Variants in NOS2 observed in about 807,000 individuals in gnomAD.
NOS2 encodes the protein nitric oxide synthase 2.
In NOS2, 96 loss-of-function variants were observed where a neutral mutation model predicts 136.0. The ratio of observed to expected loss-of-function variants is 0.71; its 90% CI spans 0.60 to 0.84. The LOEUF is 0.84. Ranked by LOEUF, NOS2 falls within the 40% of genes least tolerant of loss-of-function variation. The pLI, the probability that NOS2 is intolerant of heterozygous loss-of-function variation, is 0.00. For synonymous variants in NOS2, 539 were observed against 587.5 expected, an observed-to-expected ratio of 0.92 and a Z score of 1.20; for missense variants, 1,237 against 1,496.9, an observed-to-expected ratio of 0.83 and a Z score of 2.87.
rs966221157 is a variant in NOS2, at chr17:27,778,562, G to C, written c.1281+128C>G. The C allele has an allele frequency of 9.3e-5, 67 of 718,610 alleles. No individual in the cohort carries two copies. In the Middle Eastern group the frequency reaches 1.1e-3, roughly 12 times the overall value. 44.5% of individuals were successfully genotyped at this position (718,610 alleles called of 1,614,324 possible). On this transcript the variant is annotated intron_variant, in intron 11 of 26. Coordinates refer to ENST00000313735, the MANE Select transcript of NOS2 (RefSeq NM_000625.4). ...GGATTGAACAGTCTTGGGAGGTGAG[G>C]AGCTGCCTGTTGCTGGACCTCTAGA...
chr17:27,779,690 A>G (rs549438404), intron 9 of NOS2, among the ~76,000 whole-genome samples: 39 of 151,412 alleles, frequency 2.6e-4, no homozygotes, highest in African/African-American at 9.5e-4. Context: ...CTAAATGCTG[A>G]GAATGCAACA....
At chr17:27,760,008 C>G in intron 25 of NOS2, 22 bp downstream of exon 25, 2 of 1,498,164 alleles carry the variant, frequency 1.3e-6, no homozygotes, top group Non-Finnish European at 1.8e-6. Context: ...TAATGCTTCA[C>G]CTGCTTTGAG....
chr17:27,783,730 G>A (rs969290124), intron 5 of NOS2, among the ~76,000 whole-genome samples: 4 of 152,238 alleles, frequency 2.6e-5, no homozygotes, highest in Non-Finnish European at 4.4e-5. Context: ...AGGAGGTTAA[G>A]CACCAGGCCC....
Position 27,782,034 on chromosome 17 carries a change from T to G in NOS2, c.703A>C (p.Thr235Pro). ...EHICRHVRYS[T>P]NNGNIRSAIT... is the part of the protein sequence containing the mutation. ...ACCGACCTGATGTTGCCATTGTTGG[T>G]GGAGTAACGCACGTGTCTGCAGATG... The change falls in exon 7 of 27, where the codon ACC becomes CCC. Residue 235 changes from threonine (T) to proline (P), a missense_variant. Thr to Pro is a conservative substitution (Grantham distance 38, BLOSUM62 -1). Coordinates refer to ENST00000313735, the MANE Select transcript of NOS2 (RefSeq NM_000625.4). The G allele has an allele frequency of 6.2e-7, 1 of 1,614,088 alleles. No homozygotes were observed. Among genetic ancestry groups the G allele is most frequent in the South Asian group, 1.1e-5 (1 of 91,068 alleles).
rs772923859 is a variant in NOS2 at position 27,771,172 on chromosome 17, G to A, written c.1705-155C>T. 7.2e-5 allele frequency among the ~76,000 whole-genome samples: 11 copies of A among 152,184 alleles called. No individual in the cohort carries two copies. In the South Asian group the frequency reaches 1.2e-3, roughly 17 times the overall value. On this transcript the variant is annotated intron_variant, in intron 14 of 26. Transcript: ENST00000313735. Reference sequence around the variant, plus strand: ...GGCCCGGCACAGGCGTGGCACAGAGGACGTGAATGAACCAATTTGAACACA... The same window carrying A: ...GGCCCGGCACAGGCGTGGCACAGAGAACGTGAATGAACCAATTTGAACACA...
intron 16 of NOS2, among the ~76,000 whole-genome samples, 159 bp from the exon 17 acceptor site, chr17:27,769,310 T>G (rs1313526749): frequency 6.6e-6 from 1 of 152,088 alleles, no homozygotes; most frequent in Admixed American, 6.6e-5. Context: ...CCCAGCCTTG[T>G]CACCAACTCC....
Position 27,774,374 on chromosome 17 carries a change from G to A in NOS2, c.1359C>T (p.Ser453=). ...FMKYMQNEYR[S]RGGCPADWIW... is the part of the protein sequence containing the mutation. ...TCCAGTCTGCCGGGCAGCCCCCACG[G>A]GACCGGTATTCATTCTGCATGTACT... The change falls in exon 12 of 27, where the codon TCC becomes TCT. Residue 453 remains serine (S), a synonymous_variant. Transcript: ENST00000313735. The A allele has an allele frequency of 6.3e-7, 1 of 1,582,156 alleles. No homozygotes were observed. The highest frequency in any genetic ancestry group is 1.2e-5 in the South Asian group (1 of 86,164).
intron 26 of NOS2, among the ~76,000 whole-genome samples, chr17:27,758,415 G>A (rs1907998497): frequency 6.6e-6 from 1 of 152,156 alleles, no homozygotes; most frequent in African/African-American, 2.4e-5. Context: ...GTAAGCCCTT[G>A]ATAAATATCA....
chr17:27,777,908 G>A (rs1250251729), intron 11 of NOS2, among the ~76,000 whole-genome samples: 2 of 152,008 alleles, frequency 1.3e-5, no homozygotes, highest in East Asian at 1.9e-4. Flanking sequence ...AGGCAAGCGT[G>A]GTATGCACCT....
At chr17:27,779,488 C>A (rs572304181) in intron 9 of NOS2, among the ~76,000 whole-genome samples, 32 of 151,966 alleles carry the variant, frequency 2.1e-4, no homozygotes, top group Non-Finnish European at 4.0e-4. Flanking sequence ...ACTGACCCCC[C>A]ACCTGCCCAC....
intron 11 of NOS2, among the ~76,000 whole-genome samples, chr17:27,776,063 A>G (rs1908648522): frequency 6.6e-6 from 1 of 152,188 alleles, no homozygotes; most frequent in South Asian, 2.1e-4. Context: ...AGGGCAGAAG[A>G]GAGGATACAA....
chr17:27,791,770 A>G (rs1169328061), intron 2 of NOS2, among the ~76,000 whole-genome samples: 1 of 116,894 alleles, frequency 8.6e-6, no homozygotes, highest in Non-Finnish European at 1.8e-5. Context: ...GGCCTGCCAG[A>G]AAAAAACAAA....
In NOS2 at chr17:27,782,099, T is replaced by C; in HGVS notation, c.638A>G (p.Asp213Gly). ...CCGGGCAGTGGAACAGCTGCGGGCA[T>C]CGAAGACCTGCAACAGCCCATCCAG... ...RIQWSNLQVFDARSCSTAREM... is the reference protein window; with the variant it reads ...RIQWSNLQVFGARSCSTAREM... The change falls in exon 7 of 27, where the codon GAT (aspartate) becomes GGT (glycine). Residue 213 changes from aspartate (D) to glycine (G), a missense_variant. By Grantham distance (94) the Asp-to-Gly change is moderately conservative. Transcript: ENST00000313735. The C allele has an allele frequency of 6.2e-7, 1 of 1,614,006 alleles. No homozygotes were observed. Among genetic ancestry groups the C allele is most frequent in the South Asian group, 1.1e-5 (1 of 91,008 alleles).
At chr17:27,768,831 G>A in intron 17 of NOS2, 146 bp downstream of exon 17, 1 of 851,932 alleles carries the variant, frequency 1.2e-6, no homozygotes, top group Non-Finnish European at 1.7e-6. Context: ...AAGCCCTCAG[G>A]TTTGTGGCCC....
rs1344712236 is a variant in NOS2 at position 27,759,023 on chromosome 17, A to G, written c.3212T>C (p.Val1071Ala). The G allele has an allele frequency of 6.2e-7, 1 of 1,610,630 alleles. No homozygotes were observed. Among genetic ancestry groups the G allele is most frequent in the South Asian group, 1.1e-5 (1 of 90,748 alleles). ...GAGGTGGCCTGGCTCCTTGTGGAGC[A>G]CACGGAGCACCTCGCTGGCCAGCTG... The part of the protein sequence containing the change: ...RQQLASEVLR[V>A]LHKEPGHLYV... The change falls in exon 26 of 27, where the codon GTG (valine) becomes GCG (alanine). Residue 1071 changes from valine to alanine, a missense_variant. By Grantham distance (64) the Val-to-Ala change is moderately conservative. Around this residue, in one of 3 missense-constraint regions of NOS2, gnomAD observed 782 missense variants for 909.9 expected, o/e 0.86. Transcript: ENST00000313735.
At chr17:27,767,146 C>T (rs934667184) in intron 18 of NOS2, among the ~76,000 whole-genome samples, 1 of 152,182 alleles carries the variant, frequency 6.6e-6, no homozygotes, top group Non-Finnish European at 1.5e-5. Context: ...CACAGGAGAG[C>T]ATTGTTGACA....
At position 27,780,753 on chromosome 17, in the gene NOS2, C is replaced by T. The variant is rs1908816025; in HGVS notation, c.1004+14G>A. 3.1e-6 allele frequency: 5 copies of T among 1,614,242 alleles called. 1 individual carries two copies. In the Admixed American group the frequency reaches 8.3e-5, roughly 27 times the overall value. On this transcript the variant is annotated intron_variant, in intron 9 of 26. Coordinates refer to ENST00000313735, the MANE Select transcript of NOS2 (RefSeq NM_000625.4). ...TTGACTCGCCCTTGCCCCCAGCACC[C>T]TCAGCCTACTTACTTGGGATGTTCC... is the stretch of plus-strand genomic sequence containing the variant.
At chr17:27,799,119 T>C (rs1909450914) in intron 1 of NOS2, among the ~76,000 whole-genome samples, 1 of 152,112 alleles carries the variant, frequency 6.6e-6, no homozygotes, top group African/African-American at 2.4e-5. Flanking sequence ...CCCATCCCCA[T>C]CGCCACTTAA....
chr17:27,762,762 A>C (rs370362468), intron 22 of NOS2, 36 bp downstream of exon 22: 3 of 1,414,024 alleles, frequency 2.1e-6, no homozygotes, highest in Non-Finnish European at 2.9e-6. Flanking sequence ...TAATGGGCGG[A>C]GCGGGGCTGT....
Sources: allele counts gnomAD v4.1 joint callset (sites outside exome capture counted in the v4.1 genomes callset), GRCh38; gene constraint gnomAD v4.1.1; regional missense constraint gnomAD v4.1.1; transcripts MANE v1.5; gene names NCBI Gene and HGNC (gene_info 2026-07-23, HGNC 2026-07-21).